Variants in GRM5 observed in about 807,000 individuals in gnomAD.
GRM5 encodes glutamate metabotropic receptor 5, also known as metabotropic glutamate receptor 5.
GRM5 carries 19 observed loss-of-function variants against 83.1 expected under a neutral mutation model. The ratio of observed to expected loss-of-function variants is 0.23; its 90% CI spans 0.16 to 0.34. The LOEUF is 0.34. Ranked by LOEUF, GRM5 falls within the 10% of genes least tolerant of loss-of-function variation. GRM5 has a pLI of 1.00. For missense variants in GRM5, 1,160 were observed against 1,588.3 expected, an observed-to-expected ratio of 0.73 and a Z score of 4.58; for synonymous variants, 675 against 633.6, an observed-to-expected ratio of 1.07 and a Z score of -0.98.
At chr11:89,043,164 C>T (rs1405043864) in intron 2 of GRM5, among the ~76,000 whole-genome samples, 1 of 152,144 alleles carries the variant, frequency 6.6e-6, no homozygotes, top group Non-Finnish European at 1.5e-5. Flanking sequence ...GAGCTACGTA[C>T]TTCACTAACA....
At chr11:88,975,675 A>G (rs2135013142) in intron 2 of GRM5, among the ~76,000 whole-genome samples, 1 of 152,334 alleles carries the variant, frequency 6.6e-6, no homozygotes, top group Middle Eastern at 3.4e-3. Flanking sequence ...GCCTTTTAAC[A>G]TTATCCCCAG....
At chr11:89,052,326 A>G (rs563220888) in intron 1 of GRM5, among the ~76,000 whole-genome samples, 1 of 152,298 alleles carries the variant, frequency 6.6e-6, no homozygotes, top group African/African-American at 2.4e-5. Flanking sequence ...CTAAAAAATA[A>G]GCTCTGCTGA....
intron 4 of GRM5, among the ~76,000 whole-genome samples, chr11:88,629,929 G>T (rs1938916093): frequency 6.6e-6 from 1 of 152,110 alleles, no homozygotes; most frequent in African/African-American, 2.4e-5. Flanking sequence ...CACCTTCTGT[G>T]ACCTCTTTGA....
At chr11:88,890,715 A>AT (rs1945130523) in intron 2 of GRM5, among the ~76,000 whole-genome samples, 1 of 152,098 alleles carries the variant, frequency 6.6e-6, no homozygotes, top group South Asian at 2.1e-4. Flanking sequence ...CCTGGGACAC[A>AT]TGGAGTTAGA....
chr11:88,616,965 A>G (rs1457810858), intron 4 of GRM5, among the ~76,000 whole-genome samples: 1 of 152,146 alleles, frequency 6.6e-6, no homozygotes, highest in East Asian at 1.9e-4. Context: ...CCTGACACAC[A>G]ATTGGCTCTA....
At chr11:88,989,059 G>C (rs909137401) in intron 2 of GRM5, among the ~76,000 whole-genome samples, 1 of 151,550 alleles carries the variant, frequency 6.6e-6, no homozygotes, top group Non-Finnish European at 1.5e-5. Flanking sequence ...AAAAGACACA[G>C]ACTGACAAAT....
chr11:88,657,215 C>T (rs749993852), intron 3 of GRM5, among the ~76,000 whole-genome samples: 8 of 152,100 alleles, frequency 5.3e-5, no homozygotes, highest in Admixed American at 3.3e-4. Flanking sequence ...GCTTGTATTT[C>T]CTCCAGGAGT....
chr11:88,691,124 G>C (rs566733866), intron 3 of GRM5, among the ~76,000 whole-genome samples: 1 of 152,310 alleles, frequency 6.6e-6, no homozygotes, highest in Non-Finnish European at 1.5e-5. Flanking sequence ...GATGGGCTGG[G>C]AAGAGGGCTG....
At chr11:89,007,843 A>G (rs1392270791) in intron 2 of GRM5, among the ~76,000 whole-genome samples, 2 of 152,208 alleles carry the variant, frequency 1.3e-5, no homozygotes, top group African/African-American at 4.8e-5. Context: ...CAGTTTCTGT[A>G]GTTTTCTAAT....
intron 2 of GRM5, among the ~76,000 whole-genome samples, chr11:88,862,478 G>C (rs1175208521): frequency 6.6e-6 from 1 of 151,992 alleles, no homozygotes; most frequent in African/African-American, 2.4e-5. Flanking sequence ...AAAATCCTCA[G>C]TTTTAAATTC....
At chr11:88,634,642 G>A (rs187799148) in intron 4 of GRM5, among the ~76,000 whole-genome samples, 2 of 152,126 alleles carry the variant, frequency 1.3e-5, no homozygotes, top group African/African-American at 4.8e-5. Context: ...ATACTTTCTG[G>A]AACACCTCCT....
intron 7 of GRM5, among the ~76,000 whole-genome samples, chr11:88,590,339 A>G (rs1209494727): frequency 6.6e-6 from 1 of 152,208 alleles, no homozygotes; most frequent in Admixed American, 6.5e-5. Flanking sequence ...TGTCCTGGGC[A>G]TGAGGGAAGA....
intron 3 of GRM5, among the ~76,000 whole-genome samples, chr11:88,776,439 T>A (rs1942851447): frequency 6.6e-6 from 1 of 152,150 alleles, no homozygotes; most frequent in South Asian, 2.1e-4. Context: ...CCATTTACAT[T>A]TAAGGTTAAT....
rs1201040429 is a variant in GRM5, at chr11:88,862,112, G to A, written c.662-11957C>T. ...ATATAAAAGCACTAAACTGGGCTAA[G>A]ATAAGATATATTATCAAGGACAGCA... On this transcript the variant is annotated intron_variant, in intron 2 of 9. Transcript: ENST00000305447. 2.6e-5 allele frequency among the ~76,000 whole-genome samples: 4 copies of A among 152,188 alleles called. No individual in the cohort carries two copies. The East Asian group carries it at 7.7e-4, about 29-fold the overall frequency.
At chr11:88,932,616 CAG>C (rs1376515044) in intron 2 of GRM5, among the ~76,000 whole-genome samples, 4 of 151,782 alleles carry the variant, frequency 2.6e-5, no homozygotes, top group African/African-American at 9.7e-5. Flanking sequence ...AGAATGGTCA[CAG>C]AGAGATAAAT....
intron 4 of GRM5, among the ~76,000 whole-genome samples, chr11:88,608,514 A>ATTTTTTTTTT (rs35701224): frequency 2.0e-5 from 2 of 98,644 alleles, no homozygotes; most frequent in African/African-American, 3.7e-5. Context: ...GAAAACAGGG[A>ATTTTTTTTTT]TTTTTTTTTT....
rs560131126 is a variant in GRM5, at chr11:88,789,926, C to T, written c.911+59980G>A. ...CTGGAGGGCAGTGGCGCAATCTTAG[C>T]TCACTGCAACCTCTGCCTCCCGGGT... On this transcript the variant is annotated intron_variant, in intron 3 of 9. Coordinates refer to ENST00000305447, the MANE Select transcript of GRM5 (RefSeq NM_001143831.3). Among the ~76,000 whole-genome samples the T allele has an allele frequency of 4.6e-5, 7 of 152,264 alleles. No individual in the cohort carries two copies. In the East Asian group the frequency reaches 1.4e-3, roughly 29 times the overall value.
Position 88,885,450 on chromosome 11 carries a change from G to GGTTTTTTTTTTTTT in GRM5, c.662-35296_662-35295insAAAAAAAAAAAAAC, listed in dbSNP as rs1945027301. On this transcript the variant is annotated intron_variant, in intron 2 of 9. Transcript: ENST00000305447. ...TTCTGAATTCTATAGTAGGTACCAT[G>GGTTTTTTTTTTTTT]TTTTTTTTTTTTTTTTTTTTTTTTT... is the stretch of plus-strand genomic sequence containing the variant. Among the ~76,000 whole-genome samples the GGTTTTTTTTTTTTT allele has an allele frequency of 7.0e-4, 44 of 62,666 alleles. 14 individuals carry two copies. The highest frequency in any genetic ancestry group is 2.0e-3 in the African/African-American group (34 of 16,894). The allele number at this position is 62,666 out of a possible 152,430, so 41.1% of individuals were successfully genotyped here.
At chr11:88,510,408 G>T (rs1394308965) in intron 9 of GRM5, among the ~76,000 whole-genome samples, 3 of 152,194 alleles carry the variant, frequency 2.0e-5, no homozygotes, top group Non-Finnish European at 4.4e-5. Context: ...CAGCGCCCTA[G>T]TACCTCTCCT....
Sources: gnomAD v4.1 joint callset for allele counts (sites outside exome capture counted in the v4.1 genomes callset) on GRCh38, gnomAD v4.1.1 for gene constraint, MANE v1.5 for transcripts, NCBI Gene and HGNC (gene_info 2026-07-23, HGNC 2026-07-21) for gene names.